The following LYPD1 variants were observed in gnomAD, a reference collection of about 807,000 sequenced individuals.
The protein encoded by LYPD1 is LY6/PLAUR domain containing 1.
A neutral mutation model predicts 14.2 loss-of-function variants in LYPD1; 14 were observed. That is an observed-to-expected ratio of 0.99 (90% CI 0.65 to 1.54). The LOEUF (loss-of-function observed/expected upper bound fraction) is 1.54. Among genes scored for constraint, LYPD1 ranks in the 40% most tolerant of loss-of-function variants. The probability of loss-of-function intolerance (pLI) is 0.00; values close to 1 mark genes in which losing one functional copy is unlikely to be tolerated. For missense variants in LYPD1, 165 were observed against 175.7 expected (o/e 0.94, Z 0.34); for synonymous variants, 85 against 70.6 (o/e 1.20, Z -1.02).
intron 2 of LYPD1, among the ~76,000 whole-genome samples, chr2:132,656,837 AAAAG>A (rs1422035929): frequency 6.6e-6 from 1 of 152,216 alleles, no homozygotes; most frequent in African/African-American, 2.4e-5. Flanking sequence ...TAAAAAGGGA[AAAAG>A]AAAGGAAGTG....
chr2:132,659,255 G>A (rs2163342), intron 2 of LYPD1, among the ~76,000 whole-genome samples: 98,326 of 152,014 alleles, frequency 0.65, 32,703 homozygotes, highest in African/African-American at 0.81. Flanking sequence ...TTGAAACTTG[G>A]TTTCTTCAAT....
chr2:132,646,225 G>T lies in LYPD1; in HGVS notation c.246C>A (p.Ala82=). 2.5e-6 allele frequency: 4 copies of T among 1,595,768 alleles called. No homozygotes were observed. Among genetic ancestry groups the T allele is most frequent in the Non-Finnish European group, 3.4e-6 (4 of 1,169,376 alleles). The change falls in exon 3 of 3, where the codon GCC becomes GCA. Residue 82 remains alanine, a synonymous_variant. Coordinates refer to ENST00000397463, the MANE Select transcript of LYPD1 (RefSeq NM_144586.7). ...ASSAACLIAS[A]GYQSFCSPGK... The stretch of plus-strand genomic sequence containing the variant: ...CTGGGGAGCAGAAGGACTGGTACCC[G>T]GCAGAGGCGATGAGACAGGCCGCTG...
chr2:132,657,790 A>G (rs927116169), intron 2 of LYPD1, among the ~76,000 whole-genome samples: 2 of 152,274 alleles, frequency 1.3e-5, no homozygotes, highest in African/African-American at 4.8e-5. Flanking sequence ...TCCTTTGACT[A>G]TACATTTCAG....
rs752307793 is a variant in LYPD1, at chr2:132,654,939, G to A, written c.191-8659C>T. 6.0e-4 allele frequency among the ~76,000 whole-genome samples: 91 copies of A among 152,018 alleles called. 2 individuals carry two copies. The highest frequency in any genetic ancestry group is 3.4e-3 in the Middle Eastern group (1 of 294). ...AATTTTTTGTATTTTTAGTAGAGAC[G>A]GGGTTTCACCATGTTAGCCACGATG... On this transcript the variant is annotated intron_variant, in intron 2 of 2. Coordinates refer to ENST00000397463, the MANE Select transcript of LYPD1 (RefSeq NM_144586.7).
intron 2 of LYPD1, among the ~76,000 whole-genome samples, chr2:132,662,272 G>A (rs1428154980): frequency 6.6e-6 from 1 of 152,198 alleles, no homozygotes; most frequent in Non-Finnish European, 1.5e-5. Context: ...CTGGTTCCTT[G>A]AAGATGGTTA....
intron 2 of LYPD1, among the ~76,000 whole-genome samples, chr2:132,650,151 T>C (rs1428029157): frequency 6.6e-6 from 1 of 151,840 alleles, no homozygotes; most frequent in African/African-American, 2.4e-5. Context: ...ATTAGAAAAA[T>C]AGGGAAAGCA....
chr2:132,666,655 C>T (rs572568801), intron 2 of LYPD1: 33 of 152,302 alleles, frequency 2.2e-4, no homozygotes, highest in African/African-American at 7.9e-4. Context: ...AAAATGCCTG[C>T]TCTGCTTCTT....
At chr2:132,663,832 T>C (rs1283498371) in intron 2 of LYPD1, among the ~76,000 whole-genome samples, 2 of 152,154 alleles carry the variant, frequency 1.3e-5, no homozygotes, top group African/African-American at 4.8e-5. Context: ...CTGCTACTTC[T>C]AACAAAGTTG....
At position 132,669,126 on chromosome 2, in the gene LYPD1, C is replaced by G. The variant is rs1036698819; in HGVS notation, c.53-589G>C. ...AAGTCCCCGAGCCCGGGTCGGCGGC[C>G]CTTCTCCGGGGCCGTCCCCGCGGCG... On this transcript the variant is annotated intron_variant, in intron 1 of 2. Transcript: ENST00000397463. The surrounding 1 kb of genome is among the most constrained non-coding windows in gnomAD (Gnocchi z 4.3). Among the ~76,000 whole-genome samples, 1 of 152,088 alleles carries G rather than the reference C, an allele frequency of 6.6e-6. No homozygotes were observed. Among genetic ancestry groups the G allele is most frequent in the Admixed American group, 6.5e-5 (1 of 15,282 alleles).
At chr2:132,647,507 A>G (rs1682165552) in intron 2 of LYPD1, among the ~76,000 whole-genome samples, 2 of 152,058 alleles carry the variant, frequency 1.3e-5, no homozygotes, top group Admixed American at 1.3e-4. Context: ...TAACTTTTGT[A>G]GTTTTAGTAG....
intron 2 of LYPD1, among the ~76,000 whole-genome samples, chr2:132,651,377 G>C (rs1049318184): frequency 6.6e-6 from 1 of 152,104 alleles, no homozygotes; most frequent in African/African-American, 2.4e-5. Flanking sequence ...CGGGGCAGGG[G>C]TATTTGTGCC....
intron 1 of LYPD1, among the ~76,000 whole-genome samples, chr2:132,668,836 C>G (rs1161692738): frequency 6.6e-6 from 1 of 152,136 alleles, no homozygotes; most frequent in East Asian, 1.9e-4. Context: ...AGGGTGGGGA[C>G]GGTACCACCG....
Position 132,645,560 on chromosome 2 carries a change from C to A in LYPD1, c.*485G>T. ...CTAGAGCCCAACTCAGGCGCGAAAC[C>A]AGCCAATTCTGCTGCAGAGAATGGT... On this transcript the variant is annotated 3_prime_UTR_variant, in exon 3 of 3. Coordinates refer to ENST00000397463, the MANE Select transcript of LYPD1 (RefSeq NM_144586.7). The A allele has an allele frequency of 1.2e-6, 2 of 1,614,102 alleles. No homozygotes were observed. Among genetic ancestry groups the A allele is most frequent in the Non-Finnish European group, 1.7e-6 (2 of 1,180,006 alleles).
In LYPD1 at chr2:132,645,008, G is replaced by A; in HGVS notation, c.*1037C>T. On this transcript the variant is annotated 3_prime_UTR_variant, in exon 3 of 3. Coordinates refer to ENST00000397463, the MANE Select transcript of LYPD1 (RefSeq NM_144586.7). ...TCCTGGCCAGTAAGCACAGAACAGAGGGGCTAAATATTTTATGGTTTTATT... is the reference window on the plus strand; with the variant it reads ...TCCTGGCCAGTAAGCACAGAACAGAAGGGCTAAATATTTTATGGTTTTATT... The A allele has an allele frequency of 1.4e-6, 2 of 1,421,200 alleles. No individual in the cohort carries two copies. The highest frequency in any genetic ancestry group is 1.9e-6 in the Non-Finnish European group (2 of 1,048,112). The allele number at this position is 1,421,200 out of a possible 1,614,324, so 88.0% of individuals were successfully genotyped here.
Position 132,643,666 on chromosome 2 carries a change from T to G in LYPD1, c.*2379A>C, listed in dbSNP as rs1420721272. ...AAGTATCTGAGACCACAGGTGTGTATGTACCACCATGCCTGGCTAAGTTTT... is the reference window on the plus strand; with the variant it reads ...AAGTATCTGAGACCACAGGTGTGTAGGTACCACCATGCCTGGCTAAGTTTT... On this transcript the variant is annotated 3_prime_UTR_variant, in exon 3 of 3. Transcript: ENST00000397463. Among the ~76,000 whole-genome samples, 1 of 152,198 alleles carries G rather than the reference T, an allele frequency of 6.6e-6. No homozygotes were observed. The highest frequency in any genetic ancestry group is 2.4e-5 in the African/African-American group (1 of 41,432).
At chr2:132,661,305 C>T (rs1373434899) in intron 2 of LYPD1, among the ~76,000 whole-genome samples, 1 of 152,200 alleles carries the variant, frequency 6.6e-6, no homozygotes, top group Non-Finnish European at 1.5e-5. Context: ...CAGTACATGG[C>T]ACCAAGCAGA....
intron 2 of LYPD1, among the ~76,000 whole-genome samples, chr2:132,665,016 A>G (rs1683187852): frequency 6.6e-6 from 1 of 152,248 alleles, no homozygotes; most frequent in Non-Finnish European, 1.5e-5. Flanking sequence ...AGTAAGGACA[A>G]TGAAAGAAGT....
At position 132,669,254 on chromosome 2, in the gene LYPD1, C is replaced by T. The variant is rs529707630; in HGVS notation, c.52+627G>A. 1.3e-5 allele frequency among the ~76,000 whole-genome samples: 2 copies of T among 152,320 alleles called. No individual in the cohort carries two copies. Among genetic ancestry groups the T allele is most frequent in the Admixed American group, 6.5e-5 (1 of 15,310 alleles). On this transcript the variant is annotated intron_variant, in intron 1 of 2. Coordinates refer to ENST00000397463, the MANE Select transcript of LYPD1 (RefSeq NM_144586.7). This position sits in a 1 kb window ranked among gnomAD's most constrained non-coding sequence, Gnocchi z 4.3. The stretch of plus-strand genomic sequence containing the variant: ...TTCCAGGCCCCGGCTTTCAGGACAA[C>T]CGTTCGACTAGGGTCAGTGGTCGGG...
At chr2:132,662,427 G>A (rs536280136) in intron 2 of LYPD1, among the ~76,000 whole-genome samples, 1 of 152,166 alleles carries the variant, frequency 6.6e-6, no homozygotes, top group Non-Finnish European at 1.5e-5. Context: ...TAGAACATAG[G>A]GGTTCTCTCC....
Sources: gnomAD v4.1 joint callset for allele counts (sites outside exome capture counted in the v4.1 genomes callset) on GRCh38, gnomAD v4.1.1 for gene constraint, Gnocchi (gnomAD v3.1) non-coding constraint, MANE v1.5 for transcripts, NCBI Gene and HGNC (gene_info 2026-07-23, HGNC 2026-07-21) for gene names.